The following ABCA1 variants were observed in gnomAD, a reference collection of about 807,000 sequenced individuals.
ABCA1 encodes phospholipid-transporting ATPase ABCA1.
A neutral mutation model predicts 262.5 loss-of-function variants in ABCA1; 133 were observed. That is an observed-to-expected ratio of 0.51 (90% CI 0.44 to 0.59). The LOEUF (loss-of-function observed/expected upper bound fraction) is 0.59, where lower values mean the gene tolerates loss of function less well. Among genes scored for constraint, ABCA1 ranks in the 20% least tolerant of loss-of-function variants. The pLI is 0.00. For missense variants in ABCA1, 2,452 were observed against 2,777.5 expected (o/e 0.88, Z 2.63); for synonymous variants, 1,022 against 1,043.5 (o/e 0.98, Z 0.40).
At chr9:104,920,517 TTTTTG>T (rs965253516) in intron 1 of ABCA1, among the ~76,000 whole-genome samples, 4 of 152,110 alleles carry the variant, frequency 2.6e-5, no homozygotes, top group East Asian at 1.9e-4. Flanking sequence ...TAAAGCAAGA[TTTTTG>T]TTTTGTTTTG....
chr9:104,781,602 T>C lies in ABCA1; in HGVS notation c.*2713A>G, dbSNP rs755509485. 6.6e-6 allele frequency: 1 copy of C among 152,656 alleles called. No homozygotes were observed. The highest frequency in any genetic ancestry group is 1.5e-5 in the Non-Finnish European group (1 of 68,008). The allele number at this position is 152,656 out of a possible 1,614,324, so 9.5% of individuals were successfully genotyped here. A position where few individuals can be genotyped will look rare whatever the true frequency, so the allele number is the denominator to read the frequency against. On this transcript the variant is annotated 3_prime_UTR_variant, in exon 50 of 50. Coordinates refer to ENST00000374736, the MANE Select transcript of ABCA1 (RefSeq NM_005502.4). ...CATTTAATAGTCACAAAGCATTTGCTTTCAGTACAGATAATGAAATACAGT... is the reference window on the plus strand; with the variant it reads ...CATTTAATAGTCACAAAGCATTTGCCTTCAGTACAGATAATGAAATACAGT...
chr9:104,840,301 T>C lies in ABCA1; in HGVS notation c.1032A>G (p.Glu344=). Residue 344 remains glutamate, a synonymous_variant, in exon 9 of 50, where the codon GAA becomes GAG. Coordinates refer to ENST00000374736, the MANE Select transcript of ABCA1 (RefSeq NM_005502.4). ...FGGNGTEEDA[E]TFYDNSTTPY... ...CACTTGTAGAGTTGTCATAGAAGGT[T>C]TCAGCATCTTCCTCAGTGCCATTGC... The C allele has an allele frequency of 2.5e-6, 4 of 1,614,164 alleles. No homozygotes were observed. Among genetic ancestry groups the C allele is most frequent in the Non-Finnish European group, 3.4e-6 (4 of 1,180,016 alleles).
chr9:104,835,263 A>G (rs1588349845), intron 11 of ABCA1, among the ~76,000 whole-genome samples: 1 of 150,086 alleles, frequency 6.7e-6, no homozygotes, highest in Non-Finnish European at 1.5e-5. Flanking sequence ...AAAAAAAAAG[A>G]GAAAGAGAGG....
chr9:104,846,153 G>A (rs1834854793), intron 7 of ABCA1, among the ~76,000 whole-genome samples: 1 of 152,162 alleles, frequency 6.6e-6, no homozygotes, highest in Non-Finnish European at 1.5e-5. Flanking sequence ...TAACTGCACA[G>A]CAGATATAGG....
intron 5 of ABCA1, among the ~76,000 whole-genome samples, chr9:104,865,113 C>A (rs1836970860): frequency 6.6e-6 from 1 of 152,154 alleles, no homozygotes. Flanking sequence ...CTAGCACCAA[C>A]CTGTGTGAAA....
chr9:104,848,279 T>C (rs183163294), intron 7 of ABCA1, among the ~76,000 whole-genome samples: 18 of 152,244 alleles, frequency 1.2e-4, no homozygotes, highest in African/African-American at 1.7e-4. Flanking sequence ...CTGTGAGGTT[T>C]GGGGAGCTAC....
intron 5 of ABCA1, among the ~76,000 whole-genome samples, chr9:104,866,947 G>A (rs1837148071): frequency 6.6e-6 from 1 of 152,194 alleles, no homozygotes; most frequent in Admixed American, 6.5e-5. Flanking sequence ...CACAGAGGAG[G>A]CACTCAGTAA....
intron 2 of ABCA1, among the ~76,000 whole-genome samples, chr9:104,898,549 AAAATAAATAAATAAATAAATAAATAAAT>A (rs60925856): frequency 4.2e-5 from 6 of 143,078 alleles, no homozygotes; most frequent in East Asian, 2.0e-4. Flanking sequence ...TCCGTCTTGA[AAAATAAATAAATAAATAAATAAATAAAT>A]AAATAAATAA....
chr9:104,912,486 T>C (rs1841559156), intron 1 of ABCA1, among the ~76,000 whole-genome samples: 1 of 152,256 alleles, frequency 6.6e-6, no homozygotes, highest in African/African-American at 2.4e-5. Context: ...CCAAAGATCC[T>C]ATTTATCACC....
intron 46 of ABCA1, 32 bp from the exon 47 acceptor site, chr9:104,787,008 TG>T: frequency 6.4e-7 from 1 of 1,569,324 alleles, no homozygotes; most frequent in South Asian, 1.2e-5. Flanking sequence ...TCTTATTTGC[TG>T]GGGGGAAAAA....
intron 30 of ABCA1, among the ~76,000 whole-genome samples, chr9:104,807,571 T>A (rs1160653090): frequency 1.3e-5 from 2 of 152,072 alleles, no homozygotes; most frequent in African/African-American, 4.8e-5. Flanking sequence ...ATCCCAGAAC[T>A]TTGGGAGGCG....
At chr9:104,823,240 T>C (rs1254846038) in intron 18 of ABCA1, among the ~76,000 whole-genome samples, 1 of 152,200 alleles carries the variant, frequency 6.6e-6, no homozygotes, top group Non-Finnish European at 1.5e-5. Flanking sequence ...AGGAGCTTTG[T>C]GACAATGAGA....
At chr9:104,831,959 T>G (rs780699701) in intron 12 of ABCA1, 132 bp from the exon 13 acceptor site, 4 of 900,396 alleles carry the variant, frequency 4.4e-6, no homozygotes. Context: ...CTCTCTAACG[T>G]AGTTTTCCAA....
At chr9:104,858,826 C>T in intron 6 of ABCA1, 128 bp from the exon 7 acceptor site, 2 of 906,542 alleles carry the variant, frequency 2.2e-6, no homozygotes, top group Non-Finnish European at 3.6e-6. Context: ...GGTTCCATTG[C>T]AACAGTCCAA....
At chr9:104,842,513 A>G (rs186048826) in intron 8 of ABCA1, among the ~76,000 whole-genome samples, 8 of 152,258 alleles carry the variant, frequency 5.3e-5, no homozygotes, top group Admixed American at 1.3e-4. Context: ...ATTCCAAACT[A>G]TTGACTCTTC....
At chr9:104,882,008 A>C (rs1173539116) in intron 5 of ABCA1, among the ~76,000 whole-genome samples, 1 of 140,698 alleles carries the variant, frequency 7.1e-6, no homozygotes, top group Non-Finnish European at 1.5e-5. Flanking sequence ...CTGCCCAAGG[A>C]AAGCACAGTT....
At chr9:104,837,137 G>A in intron 10 of ABCA1, 41 bp from the exon 11 acceptor site, 1 of 1,499,112 alleles carries the variant, frequency 6.7e-7, no homozygotes, top group Non-Finnish European at 9.2e-7. Context: ...GAAAAAGGAG[G>A]AGAAGCACAG....
chr9:104,807,638 A>G (rs1458193871), intron 30 of ABCA1, among the ~76,000 whole-genome samples: 1 of 151,698 alleles, frequency 6.6e-6, no homozygotes, highest in Non-Finnish European at 1.5e-5. Flanking sequence ...ACATGGTGAA[A>G]CTCCATCTCT....
rs1336447377 is a variant in ABCA1, at chr9:104,858,535, A to C, written c.707T>G (p.Leu236Arg). 1 of 1,613,942 alleles carries C rather than the reference A, an allele frequency of 6.2e-7. No individual in the cohort carries two copies. Among genetic ancestry groups the C allele is most frequent in the Admixed American group, 1.7e-5 (1 of 60,026 alleles). Residue 236 changes from leucine (L) to arginine (R), a missense_variant, in exon 7 of 50, where the codon CTG (leucine) becomes CGG (arginine). Transcript: ENST00000374736. ...AAGTCTACTCACCAGGATTGGCTTC[A>C]GGATGTCCATGTTGGAACGAAGTAC... ...ERVLRSNMDI[L>R]KPILRTLNST...
Sources: allele counts gnomAD v4.1 joint callset (sites outside exome capture counted in the v4.1 genomes callset), GRCh38; gene constraint gnomAD v4.1.1; transcripts MANE v1.5; gene names NCBI Gene and HGNC (gene_info 2026-07-23, HGNC 2026-07-21).